The following NBEA variants were observed in gnomAD, a reference collection of about 807,000 sequenced individuals.
NBEA encodes the protein neurobeachin.
NBEA carries 44 observed loss-of-function variants against 343.4 expected under a neutral mutation model. That is an observed-to-expected ratio of 0.13 (90% CI 0.10 to 0.16). The LOEUF (loss-of-function observed/expected upper bound fraction) is 0.16, where lower values mean the gene tolerates loss of function less well. Ranked by LOEUF, NBEA falls within the 10% of genes least tolerant of loss-of-function variation. NBEA has a pLI of 1.00. For missense variants in NBEA, 2,555 were observed against 3,631.3 expected, an observed-to-expected ratio of 0.70 and a Z score of 7.62; for synonymous variants, 1,175 against 1,238.7, an observed-to-expected ratio of 0.95 and a Z score of 1.08.
chr13:35,412,679 A>G (rs2043661590), intron 38 of NBEA, among the ~76,000 whole-genome samples: 1 of 152,090 alleles, frequency 6.6e-6, no homozygotes, highest in African/African-American at 2.4e-5. Flanking sequence ...CATAGTTATC[A>G]CTGTTTATCC....
intron 10 of NBEA, among the ~76,000 whole-genome samples, chr13:35,084,076 C>G (rs980925699): frequency 6.6e-6 from 1 of 152,122 alleles, no homozygotes; most frequent in Non-Finnish European, 1.5e-5. Flanking sequence ...ATTCATAAAG[C>G]AAGTCCTTAG....
At chr13:34,959,962 C>G (rs910291509) in intron 1 of NBEA, among the ~76,000 whole-genome samples, 2 of 151,970 alleles carry the variant, frequency 1.3e-5, no homozygotes, top group African/African-American at 4.8e-5. Flanking sequence ...CTATACTGTA[C>G]TTTTTATCAT....
chr13:35,099,267 C>T (rs1259217885), intron 11 of NBEA, among the ~76,000 whole-genome samples: 21 of 142,528 alleles, frequency 1.5e-4, no homozygotes, highest in Non-Finnish European at 2.9e-4. Context: ...GGCTCAATCT[C>T]GGCTCACTGC....
chr13:35,650,766 G>T (rs929216406), intron 52 of NBEA, among the ~76,000 whole-genome samples: 4 of 152,158 alleles, frequency 2.6e-5, no homozygotes, highest in Admixed American at 1.3e-4. Flanking sequence ...GGGCAGAGTG[G>T]ATGTGACCAA....
chr13:35,643,376 GC>G (rs1228368591), intron 49 of NBEA, among the ~76,000 whole-genome samples: 2 of 152,126 alleles, frequency 1.3e-5, no homozygotes, highest in Non-Finnish European at 1.5e-5. Context: ...CCTGAGGTCA[GC>G]CTGGTATCTG....
At chr13:35,000,067 G>A (rs2061075435) in intron 1 of NBEA, among the ~76,000 whole-genome samples, 1 of 152,006 alleles carries the variant, frequency 6.6e-6, no homozygotes, top group African/African-American at 2.4e-5. Context: ...TAAGGGTCAG[G>A]GGAAGATAAT....
At chr13:34,979,173 T>A (rs1232056732) in intron 1 of NBEA, among the ~76,000 whole-genome samples, 1 of 152,186 alleles carries the variant, frequency 6.6e-6, no homozygotes, top group Non-Finnish European at 1.5e-5. Flanking sequence ...GGTTTTAATT[T>A]GAATTTCTGG....
At chr13:35,465,215 A>G (rs1203880812) in intron 40 of NBEA, among the ~76,000 whole-genome samples, 1 of 152,164 alleles carries the variant, frequency 6.6e-6, no homozygotes, top group Non-Finnish European at 1.5e-5. Context: ...GTGGGCTTTT[A>G]CTATGACATA....
intron 1 of NBEA, among the ~76,000 whole-genome samples, chr13:35,023,763 GA>G (rs2061925122): frequency 6.6e-6 from 1 of 152,192 alleles, no homozygotes; most frequent in African/African-American, 2.4e-5. Context: ...GTCAGATCTT[GA>G]AGGATCATGA....
intron 10 of NBEA, among the ~76,000 whole-genome samples, chr13:35,076,977 T>C (rs2064149518): frequency 6.6e-6 from 1 of 152,060 alleles, no homozygotes; most frequent in African/African-American, 2.4e-5. Flanking sequence ...CCACATGCCA[T>C]AATTCATCCT....
intron 41 of NBEA, chr13:35,477,005 T>C (rs2075903108): frequency 5.7e-6 from 1 of 176,812 alleles, no homozygotes; most frequent in South Asian, 2.0e-4. Flanking sequence ...ACCGCTGAAA[T>C]GCAAATACAG....
chr13:35,513,897 G>C (rs758258546), intron 41 of NBEA, among the ~76,000 whole-genome samples: 2 of 152,012 alleles, frequency 1.3e-5, no homozygotes, highest in Non-Finnish European at 2.9e-5. Context: ...TTTGAGATTA[G>C]AAAATCTATT....
At chr13:35,397,812 T>C (rs2042815576) in intron 38 of NBEA, among the ~76,000 whole-genome samples, 1 of 152,172 alleles carries the variant, frequency 6.6e-6, no homozygotes, top group Non-Finnish European at 1.5e-5. Flanking sequence ...TTAATGATCA[T>C]GTGAAACTTC....
At chr13:35,662,795 A>C (rs1024961815) in intron 55 of NBEA, among the ~76,000 whole-genome samples, 1 of 152,212 alleles carries the variant, frequency 6.6e-6, no homozygotes, top group African/African-American at 2.4e-5. Context: ...TCCCTGCAAT[A>C]GGATCAGATT....
intron 46 of NBEA, among the ~76,000 whole-genome samples, chr13:35,592,290 C>T (rs1384655668): frequency 2.0e-5 from 3 of 152,064 alleles, no homozygotes; most frequent in African/African-American, 7.2e-5. Flanking sequence ...CTTTATTCTT[C>T]GTTCAACAGA....
chr13:35,438,056 A>G (rs1420749325), intron 39 of NBEA, among the ~76,000 whole-genome samples: 1 of 152,186 alleles, frequency 6.6e-6, no homozygotes, highest in African/African-American at 2.4e-5. Context: ...GATCAAAGAC[A>G]GCATCTTAAA....
At chr13:35,411,779 T>G (rs1217101117) in intron 38 of NBEA, among the ~76,000 whole-genome samples, 1 of 152,104 alleles carries the variant, frequency 6.6e-6, no homozygotes. Context: ...ATTACAGGCA[T>G]GAGCCACCAC....
At chr13:35,149,779 T>C (rs1357217918) in intron 18 of NBEA, among the ~76,000 whole-genome samples, 1 of 152,222 alleles carries the variant, frequency 6.6e-6, no homozygotes, top group African/African-American at 2.4e-5. Context: ...TGCAACTTTA[T>C]ATTGAGTGTA....
At chr13:35,168,068 C>T (rs960166206) in intron 24 of NBEA, among the ~76,000 whole-genome samples, 2 of 151,620 alleles carry the variant, frequency 1.3e-5, no homozygotes, top group African/African-American at 2.4e-5. Flanking sequence ...TTTTTATTAT[C>T]AGAATGTATC....
Sources: allele counts gnomAD v4.1 joint callset (sites outside exome capture counted in the v4.1 genomes callset), GRCh38; gene constraint gnomAD v4.1.1; transcripts MANE v1.5; gene names NCBI Gene and HGNC (gene_info 2026-07-23, HGNC 2026-07-21).